The following CDH4 variants were observed in gnomAD, a reference collection of about 807,000 sequenced individuals.
The protein encoded by CDH4 is cadherin-4.
A neutral mutation model predicts 86.0 loss-of-function variants in CDH4; 33 were observed. That is an observed-to-expected ratio of 0.38 (90% CI 0.29 to 0.51). The LOEUF is 0.51. Among genes scored for constraint, CDH4 ranks in the 20% least tolerant of loss-of-function variants. CDH4 has a pLI of 0.86. For synonymous variants in CDH4, 555 were observed against 549.4 expected, an observed-to-expected ratio of 1.01 and a Z score of -0.14; for missense variants, 1,114 against 1,307.4, an observed-to-expected ratio of 0.85 and a Z score of 2.28.
In CDH4 at chr20:61,933,622, C is replaced by T. The variant is rs542055953; in HGVS notation, c.2380-434C>T. Among the ~76,000 whole-genome samples, 53 of 152,222 alleles carry T rather than the reference C, an allele frequency of 3.5e-4. 2 individuals carry two copies. The South Asian group carries it at 0.011, about 30-fold the overall frequency. ...ACCCCTCCCTGCCCCTCCCACAACA[C>T]GACCATAACGAACGTGAGGCATGTG... On this transcript the variant is annotated intron_variant, in intron 14 of 15. Transcript: ENST00000614565.
rs528306784 is a variant in CDH4, at chr20:61,633,618, A to G, written c.170-109945A>G. Among the ~76,000 whole-genome samples the G allele has an allele frequency of 2.0e-4, 30 of 152,338 alleles. 1 individual carries two copies. In the South Asian group the frequency reaches 5.6e-3, roughly 28 times the overall value. On this transcript the variant is annotated intron_variant, in intron 2 of 15. Coordinates refer to ENST00000614565, the MANE Select transcript of CDH4 (RefSeq NM_001794.5). ...GCCTAGATCTTCCCGGAGACCATCT[A>G]TCATGGTGGTAAAAAGCATGGTTTC...
Position 61,252,474 on chromosome 20 carries a change from C to A in CDH4, c.-40C>A, listed in dbSNP as rs1252707660. Reference sequence around the variant, plus strand: ...CGGCGGCGGCGGCGGCGGCAGGGAGCGGGCTCCCGGTGCCGGGCACCGGGC... The same window carrying A: ...CGGCGGCGGCGGCGGCGGCAGGGAGAGGGCTCCCGGTGCCGGGCACCGGGC... On this transcript the variant is annotated 5_prime_UTR_variant, in exon 1 of 16. Transcript: ENST00000614565. The surrounding 1 kb of genome is among the most constrained non-coding windows in gnomAD (Gnocchi z 4.4). 1.9e-6 allele frequency: 2 copies of A among 1,069,806 alleles called. No homozygotes were observed. The highest frequency in any genetic ancestry group is 1.7e-5 in the African/African-American group (1 of 57,858). 66.3% of individuals were successfully genotyped at this position (1,069,806 alleles called of 1,614,324 possible). A position where few individuals can be genotyped will look rare whatever the true frequency, so the allele number is the denominator to read the frequency against.
rs114912208 is a variant in CDH4, at chr20:61,632,591, T to C, written c.170-110972T>C. Among the ~76,000 whole-genome samples, 334 of 151,966 alleles carry C rather than the reference T, an allele frequency of 2.2e-3. 2 individuals are homozygous for C. Among genetic ancestry groups the C allele is most frequent in the African/African-American group, 7.5e-3 (311 of 41,440 alleles). On this transcript the variant is annotated intron_variant, in intron 2 of 15. Coordinates refer to ENST00000614565, the MANE Select transcript of CDH4 (RefSeq NM_001794.5). ...TCCTTTGTAGAGGCAGCCCCCACTC[T>C]ACCCTCCACCCACTCCACCCACTCG...
intron 2 of CDH4, among the ~76,000 whole-genome samples, chr20:61,441,617 T>C (rs1426919711): frequency 2.0e-5 from 3 of 152,170 alleles, no homozygotes; most frequent in Non-Finnish European, 4.4e-5. Context: ...GGAATGGGAT[T>C]AGAGCCTTTA....
At chr20:61,486,197 G>A (rs796130457) in intron 2 of CDH4, among the ~76,000 whole-genome samples, 7 of 152,280 alleles carry the variant, frequency 4.6e-5, no homozygotes, top group East Asian at 3.9e-4. Flanking sequence ...CTTCCACACC[G>A]CCATGCTGTA....
rs190634184 is a variant in CDH4 at position 61,488,088 on chromosome 20, T to C, written c.169+233151T>C. Among the ~76,000 whole-genome samples the C allele has an allele frequency of 5.3e-4, 80 of 152,326 alleles. 2 individuals are homozygous for C. The highest frequency in any genetic ancestry group is 4.8e-3 in the Admixed American group (74 of 15,302). On this transcript the variant is annotated intron_variant, in intron 2 of 15. Transcript: ENST00000614565. ...ACAATCACTCAGTGCCATTTATTTGTCTTGTATGACGCCAATGATCATGGC... is the reference window on the plus strand; with the variant it reads ...ACAATCACTCAGTGCCATTTATTTGCCTTGTATGACGCCAATGATCATGGC...
intron 2 of CDH4, among the ~76,000 whole-genome samples, chr20:61,741,928 G>C (rs767356506): frequency 1.3e-5 from 2 of 152,144 alleles, no homozygotes; most frequent in Non-Finnish European, 2.9e-5. Flanking sequence ...AGTTTTATTA[G>C]GAATTTGCTT....
intron 3 of CDH4, among the ~76,000 whole-genome samples, chr20:61,765,920 C>G (rs1386481089): frequency 6.6e-6 from 1 of 152,048 alleles, no homozygotes; most frequent in African/African-American, 2.4e-5. Flanking sequence ...AGTCACCTGG[C>G]CAGGTGGAAT....
At chr20:61,909,585 G>A (rs2054827709) in intron 8 of CDH4, among the ~76,000 whole-genome samples, 1 of 152,164 alleles carries the variant, frequency 6.6e-6, no homozygotes, top group Non-Finnish European at 1.5e-5. Flanking sequence ...CCACCCTGGT[G>A]TTCCTGGGCT....
At chr20:61,870,499 G>T (rs13044124) in intron 6 of CDH4, among the ~76,000 whole-genome samples, 1 of 152,008 alleles carries the variant, frequency 6.6e-6, no homozygotes, top group Non-Finnish European at 1.5e-5. Context: ...ACTGGTCAGG[G>T]CTTTGCTTCT....
chr20:61,416,621 A>G (rs2085148500), intron 2 of CDH4, among the ~76,000 whole-genome samples: 1 of 152,188 alleles, frequency 6.6e-6, no homozygotes, highest in Admixed American at 6.5e-5. Context: ...GGTATTTTAC[A>G]TGGTTTTAAA....
Position 61,671,042 on chromosome 20 carries a change from C to T in CDH4, c.170-72521C>T, listed in dbSNP as rs1337581636. ...CAAATCCGGCTGCACAGTTAACAGT[C>T]GAGTGTGTATGGCATAAGGGTGAAT... is the stretch of plus-strand genomic sequence containing the variant. On this transcript the variant is annotated intron_variant, in intron 2 of 15. Transcript: ENST00000614565. 2.6e-5 allele frequency among the ~76,000 whole-genome samples: 4 copies of T among 152,080 alleles called. No individual in the cohort carries two copies. The East Asian group carries it at 5.8e-4, about 22-fold the overall frequency.
chr20:61,591,772 T>C (rs6121443), intron 2 of CDH4, among the ~76,000 whole-genome samples: 7,964 of 152,298 alleles, frequency 0.052, 372 homozygotes, highest in African/African-American at 0.11. Context: ...ATTCATCATA[T>C]GCAATTGGTT....
At chr20:61,622,806 C>T (rs754209554) in intron 2 of CDH4, among the ~76,000 whole-genome samples, 5 of 152,204 alleles carry the variant, frequency 3.3e-5, no homozygotes, top group Non-Finnish European at 5.9e-5. Flanking sequence ...ACAGCCAAGA[C>T]CATCTCCAAA....
At chr20:61,481,668 A>G (rs890028136) in intron 2 of CDH4, among the ~76,000 whole-genome samples, 1 of 152,250 alleles carries the variant, frequency 6.6e-6, no homozygotes, top group Admixed American at 6.5e-5. Flanking sequence ...CTAGAGCACA[A>G]GTTTGAGCTA....
intron 2 of CDH4, among the ~76,000 whole-genome samples, chr20:61,432,969 C>G (rs111493770): frequency 0.029 from 4,322 of 151,208 alleles, 97 homozygotes; most frequent in Non-Finnish European, 0.044. Flanking sequence ...CTCCCGGGTA[C>G]CTGGGATTAC....
At chr20:61,285,062 A>G (rs1490795985) in intron 2 of CDH4, among the ~76,000 whole-genome samples, 2 of 148,464 alleles carry the variant, frequency 1.3e-5, no homozygotes, top group Non-Finnish European at 3.0e-5. Flanking sequence ...TGCTCAGCCC[A>G]GCCTTTCCTG....
chr20:61,552,033 A>G (rs186935402), intron 2 of CDH4, among the ~76,000 whole-genome samples: 11 of 152,350 alleles, frequency 7.2e-5, no homozygotes, highest in Admixed American at 5.2e-4. Flanking sequence ...AACTCTAAGA[A>G]GAAAACATAG....
At chr20:61,669,162 C>T (rs1443578101) in intron 2 of CDH4, among the ~76,000 whole-genome samples, 1 of 152,200 alleles carries the variant, frequency 6.6e-6, no homozygotes, top group Non-Finnish European at 1.5e-5. Flanking sequence ...GCAATAATTC[C>T]CTGTGAAGGG....
Sources: gnomAD v4.1 joint callset for allele counts (sites outside exome capture counted in the v4.1 genomes callset) on GRCh38, gnomAD v4.1.1 for gene constraint, Gnocchi (gnomAD v3.1) non-coding constraint, MANE v1.5 for transcripts, NCBI Gene and HGNC (gene_info 2026-07-23, HGNC 2026-07-21) for gene names.